Variants in DDX4 observed in about 807,000 individuals in gnomAD.
The protein encoded by DDX4 is probable ATP-dependent RNA helicase DDX4.
A neutral mutation model predicts 100.0 loss-of-function variants in DDX4; 25 were observed. That is an observed-to-expected ratio of 0.25 (90% CI 0.18 to 0.35). DDX4 has a LOEUF of 0.35. Among genes scored for constraint, DDX4 ranks in the 10% least tolerant of loss-of-function variants. DDX4 has a pLI of 1.00. For missense variants in DDX4, 635 were observed against 882.4 expected (o/e 0.72, Z 3.55); for synonymous variants, 259 against 275.7 (o/e 0.94, Z 0.60).
chr5:55,746,355 G>A (rs562412646), intron 3 of DDX4, 134 bp downstream of exon 3: 1 of 619,744 alleles, frequency 1.6e-6, no homozygotes, highest in Non-Finnish European at 2.7e-6. Flanking sequence ...CTTCTGATTT[G>A]GATATTGTGG....
intron 3 of DDX4, among the ~76,000 whole-genome samples, chr5:55,756,338 C>T (rs1290669935): frequency 6.6e-6 from 1 of 152,120 alleles, no homozygotes; most frequent in Non-Finnish European, 1.5e-5. Context: ...TTTGTATGCA[C>T]ATTACTGTTA....
rs1212457590 is a variant in DDX4 at position 55,761,708 on chromosome 5, A to G, written c.205+1431A>G. ...CTGCAACCTTCACCTCCCAGGTTCA[A>G]GTGATTCTCCTGCCTCAGCCTTCCG... On this transcript the variant is annotated intron_variant, in intron 4 of 21. Transcript: ENST00000505374. 3.3e-5 allele frequency among the ~76,000 whole-genome samples: 5 copies of G among 152,078 alleles called. No homozygotes were observed. The South Asian group carries it at 8.3e-4, about 25-fold the overall frequency.
intron 4 of DDX4, among the ~76,000 whole-genome samples, chr5:55,762,811 G>T (rs559166389): frequency 5.0e-4 from 76 of 152,238 alleles, no homozygotes; most frequent in Non-Finnish European, 9.1e-4. Context: ...CAGGACACGA[G>T]TGTAAGATTT....
chr5:55,802,024 G>T (rs1743348334), intron 18 of DDX4, among the ~76,000 whole-genome samples: 1 of 152,124 alleles, frequency 6.6e-6, no homozygotes, highest in Non-Finnish European at 1.5e-5. Flanking sequence ...TTATATGGGA[G>T]GTCTTTGTAG....
At chr5:55,795,207 C>T (rs554528354) in intron 17 of DDX4, among the ~76,000 whole-genome samples, 7 of 152,144 alleles carry the variant, frequency 4.6e-5, no homozygotes, top group African/African-American at 7.2e-5. Context: ...TCAGCTGATC[C>T]GTCCGCCTCA....
chr5:55,800,576 G>A (rs1376885534), intron 18 of DDX4, among the ~76,000 whole-genome samples: 2 of 151,964 alleles, frequency 1.3e-5, no homozygotes, highest in African/African-American at 2.4e-5. Flanking sequence ...TGCCTGCCTC[G>A]GCCTCCCAAA....
At chr5:55,768,122 C>T in intron 7 of DDX4, 182 bp downstream of exon 7, 2 of 589,780 alleles carry the variant, frequency 3.4e-6, no homozygotes, top group Non-Finnish European at 3.0e-6. Flanking sequence ...TCCTTTCACT[C>T]TTTTATTTTA....
chr5:55,760,868 CATATT>C (rs1740491001), intron 4 of DDX4, among the ~76,000 whole-genome samples: 1 of 152,086 alleles, frequency 6.6e-6, no homozygotes, highest in South Asian at 2.1e-4. Context: ...AGTGCAATAA[CATATT>C]AGAACTTCAG....
In DDX4 at chr5:55,785,282, G is replaced by A; in HGVS notation, c.626-15G>A. On this transcript the variant is annotated splice_polypyrimidine_tract_variant and intron_variant, in intron 10 of 21. Transcript: ENST00000505374. Reference sequence around the variant, plus strand: ...TACATCTTGACCGATTGTCACTTATGAATTTCTTTAATAGGTGGTTACAAA... The same window carrying A: ...TACATCTTGACCGATTGTCACTTATAAATTTCTTTAATAGGTGGTTACAAA... 6.4e-7 allele frequency: 1 copy of A among 1,564,060 alleles called. No individual in the cohort carries two copies. Among genetic ancestry groups the A allele is most frequent in the Non-Finnish European group, 8.8e-7 (1 of 1,136,442 alleles).
chr5:55,767,816 A>G (rs1480591075), intron 6 of DDX4, 65 bp from the exon 7 acceptor site: 19 of 1,195,012 alleles, frequency 1.6e-5, no homozygotes, highest in Admixed American at 7.6e-5. Flanking sequence ...TGACAGTGCT[A>G]TTCTTTATAT....
chr5:55,767,536 T>C (rs1046033973), intron 6 of DDX4, among the ~76,000 whole-genome samples: 1 of 152,242 alleles, frequency 6.6e-6, no homozygotes, highest in Non-Finnish European at 1.5e-5. Context: ...GATTACTTAA[T>C]AGCTTAGATG....
chr5:55,755,605 G>C (rs114245967), intron 3 of DDX4, among the ~76,000 whole-genome samples: 1 of 151,920 alleles, frequency 6.6e-6, no homozygotes, highest in Non-Finnish European at 1.5e-5. Flanking sequence ...ACTTGGTTTT[G>C]GTTTCAAGCT....
intron 18 of DDX4, among the ~76,000 whole-genome samples, chr5:55,801,652 T>A (rs756748320): frequency 2.0e-5 from 3 of 152,182 alleles, no homozygotes; most frequent in Admixed American, 6.5e-5. Flanking sequence ...TTTGGTCTTA[T>A]GTTTGGCTTG....
At chr5:55,746,574 T>G (rs543580210) in intron 3 of DDX4, among the ~76,000 whole-genome samples, 119 of 152,318 alleles carry the variant, frequency 7.8e-4, no homozygotes, top group African/African-American at 2.8e-3. Flanking sequence ...ACAATGGTGA[T>G]GACCTGTCAG....
chr5:55,793,808 T>C (rs1273735022), intron 17 of DDX4, among the ~76,000 whole-genome samples: 1 of 152,240 alleles, frequency 6.6e-6, no homozygotes, highest in Non-Finnish European at 1.5e-5. Context: ...AACTGTTTTT[T>C]CTGCAGACAG....
At position 55,816,713 on chromosome 5, in the gene DDX4, C is replaced by T. The variant is rs1744441605; in HGVS notation, c.*173C>T. ...TGACTAGTTATGTGAGATGCTAAAACTTACAACATTGCAGTTACTGATACA... is the reference window on the plus strand; with the variant it reads ...TGACTAGTTATGTGAGATGCTAAAATTTACAACATTGCAGTTACTGATACA... On this transcript the variant is annotated 3_prime_UTR_variant, in exon 22 of 22. Coordinates refer to ENST00000505374, the MANE Select transcript of DDX4 (RefSeq NM_024415.3). The T allele has an allele frequency of 9.0e-7, 1 of 1,116,780 alleles. No individual in the cohort carries two copies. The allele number at this position is 1,116,780 out of a possible 1,614,324, so 69.2% of individuals were successfully genotyped here. A position where few individuals can be genotyped will look rare whatever the true frequency, so the allele number is the denominator to read the frequency against.
At chr5:55,772,933 C>T (rs755177063) in intron 7 of DDX4, 3 of 152,140 alleles carry the variant, frequency 2.0e-5, no homozygotes, top group Non-Finnish European at 4.4e-5. Context: ...CTCAAGATTG[C>T]CTGTTATTTT....
chr5:55,778,179 T>G (rs180864968), intron 7 of DDX4, among the ~76,000 whole-genome samples: 288 of 152,268 alleles, frequency 1.9e-3, no homozygotes, highest in African/African-American at 6.4e-3. Context: ...CTTCATGATT[T>G]AGAAACTGAA....
chr5:55,807,831 G>A (rs1743841507), intron 18 of DDX4, among the ~76,000 whole-genome samples: 1 of 152,092 alleles, frequency 6.6e-6, no homozygotes, highest in Non-Finnish European at 1.5e-5. Context: ...GAGTATCTTT[G>A]TGGCGTTCTC....
Sources: gnomAD v4.1 joint callset for allele counts (sites outside exome capture counted in the v4.1 genomes callset) on GRCh38, gnomAD v4.1.1 for gene constraint, MANE v1.5 for transcripts, NCBI Gene and HGNC (gene_info 2026-07-23, HGNC 2026-07-21) for gene names.